The following USP36 variants were observed in gnomAD, a reference collection of about 807,000 sequenced individuals.
The protein encoded by USP36 is ubiquitin carboxyl-terminal hydrolase 36.
USP36 carries 59 observed loss-of-function variants against 111.5 expected under a neutral mutation model. That is an observed-to-expected ratio of 0.53 (90% CI 0.43 to 0.66). The LOEUF is 0.66. USP36 is among the 30% of genes least tolerant of loss of function. USP36 has a pLI of 0.00. For synonymous variants in USP36, 628 were observed against 581.0 expected (o/e 1.08, Z -1.16); for missense variants, 1,488 against 1,468.0 (o/e 1.01, Z -0.22).
chr17:78,794,777 G>T (rs1029851941), downstream of USP36, among the ~76,000 whole-genome samples: 7 of 152,258 alleles, frequency 4.6e-5, no homozygotes, highest in Admixed American at 1.3e-4. Context: ...GGAGGCTGAG[G>T]CAAGCGGATC....
chr17:78,835,314 G>A lies in USP36; in HGVS notation c.441C>T (p.Ala147=), dbSNP rs1272476354. Reference sequence around the variant, plus strand: ...CATGCTCCTTGGAGAGCAGGTAGTTGGCTAGAGGTGGTGTGTAGGTCAAGC... The same window carrying A: ...CATGCTCCTTGGAGAGCAGGTAGTTAGCTAGAGGTGGTGTGTAGGTCAAGC... ...IQCLTYTPPL[A]NYLLSKEHAR... Residue 147 remains alanine (A), a synonymous_variant, in exon 4 of 21, where the codon GCC becomes GCT. Transcript: ENST00000449938. 1.2e-6 allele frequency: 2 copies of A among 1,614,200 alleles called. No homozygotes were observed. Among genetic ancestry groups the A allele is most frequent in the Admixed American group, 1.7e-5 (1 of 60,024 alleles).
rs2093803609 is a variant in USP36 at position 78,803,327 on chromosome 17, T to C, written c.2810+58A>G. The C allele has an allele frequency of 2.0e-6, 3 of 1,537,862 alleles. No individual in the cohort carries two copies. Among genetic ancestry groups the C allele is most frequent in the Non-Finnish European group, 2.7e-6 (3 of 1,128,466 alleles). Reference sequence around the variant, plus strand: ...CATACCTACTTGGGGGTAGATTCTGTGGTTTTGCTTTGTTTCTCGTCAGAG... The same window carrying C: ...CATACCTACTTGGGGGTAGATTCTGCGGTTTTGCTTTGTTTCTCGTCAGAG... On this transcript the variant is annotated intron_variant, in intron 16 of 20. Transcript: ENST00000449938. The surrounding 1 kb of genome is among the most constrained non-coding windows in gnomAD (Gnocchi z 4.6).
At chr17:78,806,315 G>A (rs747404560) in intron 14 of USP36, 29 bp from the exon 15 acceptor site, 1 of 1,612,616 alleles carries the variant, frequency 6.2e-7, no homozygotes, top group South Asian at 1.1e-5. Context: ...ATAAAAACTT[G>A]GTGGTCTAAA....
In USP36 at chr17:78,803,844, A is replaced by G; in HGVS notation, c.2351T>C (p.Leu784Pro). ...PRSCSSISTA[L>P]PQVNEDLVSL... ...CACAAGGTCCTCGTTGACCTGAGGC[A>G]GCGCCGTCGAGATGGAGGAGCAGCT... is the stretch of plus-strand genomic sequence containing the variant. The change falls in exon 16 of 21, where the codon CTG becomes CCG. Residue 784 changes from leucine to proline, a missense_variant. Physicochemically the swap from Leu to Pro is moderately conservative, Grantham distance 98. This residue lies in a region of USP36 where 1,073 missense variants were observed against 994.1 expected (regional missense o/e 1.08). Coordinates refer to ENST00000449938, the MANE Select transcript of USP36 (RefSeq NM_001385174.1). The surrounding 1 kb of genome is among the most constrained non-coding windows in gnomAD (Gnocchi z 4.6). The G allele has an allele frequency of 6.2e-7, 1 of 1,609,110 alleles. No homozygotes were observed. Among genetic ancestry groups the G allele is most frequent in the Non-Finnish European group, 8.5e-7 (1 of 1,179,416 alleles).
intron 2 of USP36, among the ~76,000 whole-genome samples, chr17:78,838,369 C>G (rs2068882244): frequency 9.1e-6 from 1 of 110,372 alleles, no homozygotes; most frequent in Non-Finnish European, 1.7e-5. Context: ...AAGACTTGGT[C>G]TCAAAAAAAA....
chr17:78,831,436 A>AC (rs1028575508), intron 4 of USP36, among the ~76,000 whole-genome samples: 2 of 151,294 alleles, frequency 1.3e-5, no homozygotes, highest in South Asian at 2.1e-4. Flanking sequence ...ACTTGGTGAG[A>AC]CCCCCATCTC....
chr17:78,825,534 T>C (rs754178023), intron 6 of USP36, among the ~76,000 whole-genome samples: 6 of 152,058 alleles, frequency 3.9e-5, no homozygotes, highest in Non-Finnish European at 8.8e-5. Flanking sequence ...TCCCTCCTCT[T>C]TCCAGCAATC....
In USP36 at chr17:78,835,468, C is replaced by T; in HGVS notation, c.287G>A (p.Gly96Glu). The change falls in exon 4 of 21, where the codon GGA (glycine) becomes GAA (glutamate). Residue 96 changes from glycine (G) to glutamate (E), a missense_variant. By Grantham distance (98) the Gly-to-Glu change is moderately conservative. Coordinates refer to ENST00000449938, the MANE Select transcript of USP36 (RefSeq NM_001385174.1). ...AAGCACTTTCTGCGGGGCTGGGACT[C>T]CGTCACCACAGCTCTCATACGTGTG... ...SEHTYESCGD[G>E]VPAPQKVLFP... is the part of the protein sequence containing the mutation. 1.2e-6 allele frequency: 2 copies of T among 1,610,554 alleles called. No homozygotes were observed. Among genetic ancestry groups the T allele is most frequent in the Non-Finnish European group, 1.7e-6 (2 of 1,178,222 alleles).
intron 6 of USP36, chr17:78,827,031 G>C (rs2067609692): frequency 2.9e-6 from 2 of 688,608 alleles, no homozygotes; most frequent in South Asian, 3.1e-5. Flanking sequence ...GGACCAGCAG[G>C]ACGTCTCCGG....
chr17:78,808,579 A>G (rs2093973580), intron 13 of USP36, among the ~76,000 whole-genome samples: 1 of 152,146 alleles, frequency 6.6e-6, no homozygotes, highest in African/African-American at 2.4e-5. Context: ...ATTTTACTAT[A>G]TATACTATGT....
intron 13 of USP36, 66 bp from the exon 14 acceptor site, chr17:78,807,702 T>G: frequency 6.9e-7 from 1 of 1,450,672 alleles, no homozygotes; most frequent in Non-Finnish European, 9.2e-7. Context: ...CACATCTTCT[T>G]AAGGCCACAG....
At chr17:78,824,251 G>A (rs542783127) in intron 6 of USP36, among the ~76,000 whole-genome samples, 25 of 152,302 alleles carry the variant, frequency 1.6e-4, no homozygotes, top group Non-Finnish European at 3.1e-4. Context: ...CCTTACAGGT[G>A]CCAACAAAAA....
In USP36 at chr17:78,807,446, C is replaced by T. The variant is rs771376984; in HGVS notation, c.1598G>A (p.Gly533Glu). 6.2e-7 allele frequency: 1 copy of T among 1,614,054 alleles called. No homozygotes were observed. Among genetic ancestry groups the T allele is most frequent in the Middle Eastern group, 1.6e-4 (1 of 6,062 alleles). Residue 533 changes from glycine (G) to glutamate (E), a missense_variant, in exon 14 of 21, where the codon GGA becomes GAA. By Grantham distance (98) the Gly-to-Glu change is moderately conservative (BLOSUM62 -2). Around this residue, in one of 3 missense-constraint regions of USP36, gnomAD observed 1,073 missense variants for 994.1 expected, o/e 1.08. Transcript: ENST00000449938. ...THMPTILDDPGKKVKKPAPPQ... is the reference protein window; with the variant it reads ...THMPTILDDPEKKVKKPAPPQ... ...AGGAGCTGGCTTCTTCACCTTCTTT[C>T]CAGGGTCGTCTAGGATGGTTGGCAT...
chr17:78,835,615 G>A, intron 3 of USP36, 114 bp from the exon 4 acceptor site: 1 of 1,045,100 alleles, frequency 9.6e-7, no homozygotes, highest in Non-Finnish European at 1.4e-6. Context: ...TCGGAACATG[G>A]CACCAGAGAA....
At chr17:78,815,547 T>C (rs1180269061) in intron 10 of USP36, among the ~76,000 whole-genome samples, 1 of 152,176 alleles carries the variant, frequency 6.6e-6, no homozygotes, top group Non-Finnish European at 1.5e-5. Context: ...ACAGGAACAT[T>C]GTTGGTGGGA....
In USP36 at chr17:78,818,731, G is replaced by A. The variant is rs755107337; in HGVS notation, c.959C>T (p.Thr320Ile). Residue 320 changes from threonine to isoleucine, a missense_variant, in exon 10 of 21, where the codon ACA becomes ATA. Thr to Ile is a moderately conservative substitution (Grantham distance 89). Transcript: ENST00000449938. ...PASKRFTIHR[T>I]SNVLTLSLKR... Reference sequence around the variant, plus strand: ...GAGGGAAAGGGTTAAGACGTTGGATGTTCTGTGGATGGTGAAGCGCTTGCT... The same window carrying A: ...GAGGGAAAGGGTTAAGACGTTGGATATTCTGTGGATGGTGAAGCGCTTGCT... 2 of 1,614,102 alleles carry A rather than the reference G, an allele frequency of 1.2e-6. No individual in the cohort carries two copies. The highest frequency in any genetic ancestry group is 2.2e-5 in the South Asian group (2 of 91,084).
chr17:78,819,276 A>G (rs575785197), intron 9 of USP36, among the ~76,000 whole-genome samples: 1 of 152,346 alleles, frequency 6.6e-6, no homozygotes, highest in East Asian at 1.9e-4. Flanking sequence ...CAGCTTTACA[A>G]GGACCTAGAT....
At chr17:78,818,632 A>G (rs767288281) in intron 10 of USP36, 35 bp downstream of exon 10, 6 of 1,594,050 alleles carry the variant, frequency 3.8e-6, no homozygotes, top group Non-Finnish European at 5.2e-6. Context: ...ACTGTGGCCC[A>G]CGGAGCTGCC....
At chr17:78,826,908 C>T in intron 6 of USP36, 2 of 590,286 alleles carry the variant, frequency 3.4e-6, no homozygotes, top group South Asian at 4.2e-5. Context: ...CTGAAAAAGT[C>T]CATGGTAAGA....
Sources: allele counts gnomAD v4.1 joint callset (sites outside exome capture counted in the v4.1 genomes callset), GRCh38; gene constraint gnomAD v4.1.1; regional missense constraint gnomAD v4.1.1; non-coding constraint Gnocchi (gnomAD v3.1); transcripts MANE v1.5; gene names NCBI Gene and HGNC (gene_info 2026-07-23, HGNC 2026-07-21).